HLCS: variants seen among roughly 807,000 people sequenced by gnomAD.
HLCS encodes holocarboxylase synthetase, also known as biotin--protein ligase.
Under a neutral mutation model 75.0 loss-of-function variants are expected in HLCS, and 53 were observed. The ratio of observed to expected loss-of-function variants is 0.71; its 90% CI spans 0.57 to 0.89. HLCS has a LOEUF of 0.89. Ranked by LOEUF, HLCS falls within the 40% of genes least tolerant of loss-of-function variation. The pLI is 0.00. For synonymous variants in HLCS, 431 were observed against 428.6 expected (o/e 1.01, Z -0.07); for missense variants, 966 against 1,074.0 (o/e 0.90, Z 1.41).
At chr21:36,891,862 A>T (rs1238936022) in intron 6 of HLCS, among the ~76,000 whole-genome samples, 1 of 152,198 alleles carries the variant, frequency 6.6e-6, no homozygotes, top group Non-Finnish European at 1.5e-5. Context: ...AGGAGATAAG[A>T]CAGATGCTTT....
At chr21:36,814,103 T>A (rs117019337) in intron 6 of HLCS, among the ~76,000 whole-genome samples, 2,237 of 151,440 alleles carry the variant, frequency 0.015, 35 homozygotes, top group Non-Finnish European at 0.023. Flanking sequence ...TAGAATAGAG[T>A]TTTCTCTTGA....
At chr21:36,970,106 C>T (rs1423003866), upstream of HLCS, among the ~76,000 whole-genome samples, 1 of 152,180 alleles carries the variant, frequency 6.6e-6, no homozygotes, top group Non-Finnish European at 1.5e-5. Flanking sequence ...TGTCCTATCC[C>T]CCATTAAATA....
At chr21:36,796,912 G>A (rs982036848) in intron 6 of HLCS, among the ~76,000 whole-genome samples, 2 of 151,386 alleles carry the variant, frequency 1.3e-5, no homozygotes, top group African/African-American at 4.9e-5. Context: ...TATTGCCCAG[G>A]CTAGAGTACA....
chr21:36,879,680 C>G (rs1239741718), intron 6 of HLCS, among the ~76,000 whole-genome samples: 1 of 151,956 alleles, frequency 6.6e-6, no homozygotes, highest in Non-Finnish European at 1.5e-5. Context: ...ACCTATAGTC[C>G]CAGAACTTTG....
intron 6 of HLCS, among the ~76,000 whole-genome samples, chr21:36,886,626 C>T (rs967316750): frequency 2.0e-5 from 3 of 152,082 alleles, no homozygotes; most frequent in Non-Finnish European, 4.4e-5. Context: ...AAATGATACT[C>T]AACTGCAATG....
chr21:36,857,422 C>A (rs189866434), intron 6 of HLCS, among the ~76,000 whole-genome samples: 1 of 152,200 alleles, frequency 6.6e-6, no homozygotes, highest in Non-Finnish European at 1.5e-5. Flanking sequence ...GCTAGACTCT[C>A]CTCACTAGTC....
intron 5 of HLCS, among the ~76,000 whole-genome samples, chr21:36,925,777 T>G (rs898447620): frequency 1.3e-5 from 2 of 152,094 alleles, no homozygotes; most frequent in African/African-American, 4.8e-5. Context: ...CTGGCAGAGA[T>G]AAAAAGGAAA....
chr21:36,987,410 C>T (rs1184098101), intron 1 of HLCS, among the ~76,000 whole-genome samples: 3 of 151,936 alleles, frequency 2.0e-5, no homozygotes, highest in East Asian at 1.9e-4. Flanking sequence ...GCCAGGAGTT[C>T]GAGACCAGCA....
chr21:36,783,135 C>A (rs1386957482), intron 6 of HLCS, among the ~76,000 whole-genome samples: 4 of 152,182 alleles, frequency 2.6e-5, no homozygotes, highest in Non-Finnish European at 5.9e-5. Flanking sequence ...CCTGGCCATA[C>A]CATCAAGGTC....
At chr21:36,847,089 C>A (rs2062824683) in intron 6 of HLCS, among the ~76,000 whole-genome samples, 1 of 152,152 alleles carries the variant, frequency 6.6e-6, no homozygotes, top group South Asian at 2.1e-4. Context: ...GTTAGAAACG[C>A]CACCACAGCC....
chr21:36,810,661 T>G (rs537957000), intron 6 of HLCS, among the ~76,000 whole-genome samples: 2 of 152,354 alleles, frequency 1.3e-5, no homozygotes, highest in South Asian at 4.1e-4. Flanking sequence ...GGTGGGAGGA[T>G]CTGTCTGGTA....
chr21:36,759,170 G>C (rs1388345731), intron 9 of HLCS: 3 of 471,156 alleles, frequency 6.4e-6, no homozygotes, highest in South Asian at 4.6e-5. Context: ...TACTGCCACA[G>C]AGTGAGGCTG....
At chr21:36,985,549 C>T (rs1435322038) in intron 1 of HLCS, among the ~76,000 whole-genome samples, 3 of 152,138 alleles carry the variant, frequency 2.0e-5, no homozygotes, top group Non-Finnish European at 4.4e-5. Context: ...GGGCAGATCA[C>T]GAGATCAAGA....
chr21:36,978,769 C>T (rs530421997), intron 1 of HLCS, among the ~76,000 whole-genome samples: 1 of 152,296 alleles, frequency 6.6e-6, no homozygotes, highest in South Asian at 2.1e-4. Context: ...CCGAGCAAAG[C>T]ACATGAAGAG....
chr21:36,927,708 T>C (rs2066468320), intron 5 of HLCS, among the ~76,000 whole-genome samples: 1 of 152,336 alleles, frequency 6.6e-6, no homozygotes, highest in Non-Finnish European at 1.5e-5. Flanking sequence ...AAAATTATAC[T>C]ATGTGAAACT....
rs907596507 is a variant in HLCS, at chr21:36,865,504, A to G, written c.1892+31356T>C. Among the ~76,000 whole-genome samples the G allele has an allele frequency of 2.6e-5, 4 of 152,182 alleles. No homozygotes were observed. The East Asian group carries it at 7.7e-4, about 29-fold the overall frequency. On this transcript the variant is annotated intron_variant, in intron 6 of 10. Transcript: ENST00000674895. Reference sequence around the variant, plus strand: ...AAATTAGAACTCTGTGGCTTGCCCCACACAAAGCCATCAGATTAGGGAGCA... The same window carrying G: ...AAATTAGAACTCTGTGGCTTGCCCCGCACAAAGCCATCAGATTAGGGAGCA...
At chr21:36,786,135 CTT>C (rs1555889988) in intron 6 of HLCS, among the ~76,000 whole-genome samples, 1 of 152,212 alleles carries the variant, frequency 6.6e-6, no homozygotes, top group Non-Finnish European at 1.5e-5. Context: ...CTTCTGGTCT[CTT>C]TGCCTTCATC....
chr21:36,868,219 AAGAG>A (rs1569122290), intron 6 of HLCS, among the ~76,000 whole-genome samples: 1 of 87,844 alleles, frequency 1.1e-5, no homozygotes, highest in South Asian at 3.6e-4. Context: ...GAAGGGAAAA[AAGAG>A]AGAGAAAGAG....
intron 2 of HLCS, among the ~76,000 whole-genome samples, chr21:36,950,397 G>C (rs138036992): frequency 6.6e-6 from 1 of 152,052 alleles, no homozygotes; most frequent in South Asian, 2.1e-4. Flanking sequence ...GAACATACGT[G>C]CATTGAACAT....
Sources: allele counts gnomAD v4.1 joint callset (sites outside exome capture counted in the v4.1 genomes callset), GRCh38; gene constraint gnomAD v4.1.1; transcripts MANE v1.5; gene names NCBI Gene and HGNC (gene_info 2026-07-23, HGNC 2026-07-21).